The following TMEM87A variants were observed in gnomAD, a reference collection of about 807,000 sequenced individuals.
TMEM87A encodes Golgi-pH regulating cation channel.
A neutral mutation model predicts 90.0 loss-of-function variants in TMEM87A; 50 were observed. The ratio of observed to expected loss-of-function variants is 0.56; its 90% CI spans 0.44 to 0.70. The LOEUF (loss-of-function observed/expected upper bound fraction) is 0.70. Ranked by LOEUF, TMEM87A falls within the 30% of genes least tolerant of loss-of-function variation. The pLI is 0.00. For missense variants in TMEM87A, 577 were observed against 660.5 expected, an observed-to-expected ratio of 0.87 and a Z score of 1.39; for synonymous variants, 226 against 226.7, an observed-to-expected ratio of 1.00 and a Z score of 0.03.
At chr15:42,263,104 T>C (rs954552552) in intron 4 of TMEM87A, among the ~76,000 whole-genome samples, 2 of 152,220 alleles carry the variant, frequency 1.3e-5, no homozygotes, top group Non-Finnish European at 2.9e-5. Flanking sequence ...TCTGGGAACA[T>C]ATTAATTAGA....
chr15:42,227,880 C>T (rs2050624797), intron 13 of TMEM87A, 111 bp from the exon 14 acceptor site: 3 of 816,874 alleles, frequency 3.7e-6, no homozygotes, highest in East Asian at 2.6e-5. Flanking sequence ...CCCCCAAATA[C>T]ATCACAACTC....
chr15:42,229,479 G>A (rs1365366194), intron 12 of TMEM87A, among the ~76,000 whole-genome samples: 1 of 151,968 alleles, frequency 6.6e-6, no homozygotes, highest in Non-Finnish European at 1.5e-5. Flanking sequence ...GTGAACATGA[G>A]TAACAGGCAA....
intron 6 of TMEM87A, among the ~76,000 whole-genome samples, chr15:42,257,391 C>T (rs967611455): frequency 6.6e-6 from 1 of 152,084 alleles, no homozygotes; most frequent in East Asian, 1.9e-4. Flanking sequence ...CACACACAGG[C>T]TCCCCCCTTC....
chr15:42,268,183 A>G (rs1335976555), intron 2 of TMEM87A, 151 bp from the exon 3 acceptor site: 14 of 537,038 alleles, frequency 2.6e-5, no homozygotes, highest in Non-Finnish European at 3.9e-5. Flanking sequence ...GAAATAATAC[A>G]TGCAAAAAGA....
At chr15:42,239,594 A>C (rs1595726012) in intron 8 of TMEM87A, 76 bp downstream of exon 8, 2 of 1,206,070 alleles carry the variant, frequency 1.7e-6, no homozygotes, top group Non-Finnish European at 2.5e-6. Flanking sequence ...TAAAAAGAAT[A>C]CTGCCACAAA....
chr15:42,272,030 CA>C, intron 2 of TMEM87A, 32 bp downstream of exon 2: 1 of 1,540,532 alleles, frequency 6.5e-7, no homozygotes. Context: ...TTTTAAAATT[CA>C]AATTAAAACT....
chr15:42,238,894 TTA>T (rs2050822981), intron 8 of TMEM87A, among the ~76,000 whole-genome samples: 1 of 151,350 alleles, frequency 6.6e-6, no homozygotes, highest in Non-Finnish European at 1.5e-5. Context: ...GGGAAAACTA[TTA>T]AAGGGAAAGG....
At chr15:42,263,591 A>G (rs2051338867) in intron 4 of TMEM87A, among the ~76,000 whole-genome samples, 1 of 152,006 alleles carries the variant, frequency 6.6e-6, no homozygotes, top group Non-Finnish European at 1.5e-5. Flanking sequence ...CAGAAAATAC[A>G]AAAAAAATTA....
intron 8 of TMEM87A, 146 bp downstream of exon 8, chr15:42,239,524 A>G: frequency 4.3e-6 from 3 of 700,108 alleles, no homozygotes; most frequent in Non-Finnish European, 7.5e-6. Context: ...GTCCCAGTCT[A>G]ATAAGAAATA....
At chr15:42,226,061 A>AT (rs1261688887) in intron 15 of TMEM87A, among the ~76,000 whole-genome samples, 1 of 151,848 alleles carries the variant, frequency 6.6e-6, no homozygotes, top group Non-Finnish European at 1.5e-5. Flanking sequence ...GTGCAGTGGC[A>AT]TGATCTCGGC....
intron 6 of TMEM87A, among the ~76,000 whole-genome samples, chr15:42,248,655 CT>C (rs2051024553): frequency 6.6e-6 from 1 of 152,064 alleles, no homozygotes; most frequent in Admixed American, 6.6e-5. Context: ...GGTGGACATG[CT>C]TTTTGATGTG....
intron 19 of TMEM87A, among the ~76,000 whole-genome samples, chr15:42,216,673 A>G (rs1282921209): frequency 1.3e-5 from 2 of 152,218 alleles, no homozygotes; most frequent in Non-Finnish European, 2.9e-5. Context: ...TGTTATGTAG[A>G]TAGGTTCAAA....
At chr15:42,239,598 C>T in intron 8 of TMEM87A, 72 bp downstream of exon 8, 2 of 1,251,682 alleles carry the variant, frequency 1.6e-6, no homozygotes, top group African/African-American at 1.5e-5. Flanking sequence ...AAGAATACTG[C>T]CACAAAACAT....
intron 7 of TMEM87A, among the ~76,000 whole-genome samples, chr15:42,240,324 C>A (rs957832179): frequency 1.3e-5 from 2 of 152,172 alleles, no homozygotes; most frequent in South Asian, 4.1e-4. Context: ...AAAAAATATA[C>A]CATCCCTCAT....
intron 12 of TMEM87A, among the ~76,000 whole-genome samples, chr15:42,230,209 T>C (rs991721310): frequency 1.3e-5 from 2 of 152,182 alleles, no homozygotes; most frequent in South Asian, 4.1e-4. Context: ...TGTTACCTAG[T>C]CATTGGGTTA....
chr15:42,220,942 C>T lies in TMEM87A; in HGVS notation c.1404-807G>A, dbSNP rs566722340. Among the ~76,000 whole-genome samples, 6 of 152,262 alleles carry T rather than the reference C, an allele frequency of 3.9e-5. No individual in the cohort carries two copies. The South Asian group carries it at 1.2e-3, about 32-fold the overall frequency. On this transcript the variant is annotated intron_variant, in intron 15 of 19. Coordinates refer to ENST00000389834, the MANE Select transcript of TMEM87A (RefSeq NM_015497.5). Reference sequence around the variant, plus strand: ...GAATAGCTGGGAGTACAGGCGCCCGCCACGATGCCTGGCCAATTTTTTGCA... The same window carrying T: ...GAATAGCTGGGAGTACAGGCGCCCGTCACGATGCCTGGCCAATTTTTTGCA...
At chr15:42,255,506 C>T (rs777316127) in intron 6 of TMEM87A, among the ~76,000 whole-genome samples, 8 of 152,098 alleles carry the variant, frequency 5.3e-5, no homozygotes, top group Admixed American at 1.3e-4. Flanking sequence ...TCAAGTGATC[C>T]TCCCACCCTG....
rs761131256 is a variant in TMEM87A, at chr15:42,264,137, T to C, written c.358A>G (p.Thr120Ala). The C allele has an allele frequency of 6.2e-7, 1 of 1,613,866 alleles. No individual in the cohort carries two copies. The highest frequency in any genetic ancestry group is 1.7e-5 in the Admixed American group (1 of 60,026). Residue 120 changes from threonine (T) to alanine (A), a missense_variant, in exon 4 of 20, where the codon ACA becomes GCA. Physicochemically the swap from Thr to Ala is moderately conservative, Grantham distance 58 (BLOSUM62 0). Coordinates refer to ENST00000389834, the MANE Select transcript of TMEM87A (RefSeq NM_015497.5). ...CAGTTCTGGAACAATTTTGATGATG[T>C]TTGATATTTCCCAGACAAGCCTCTT... The part of the protein sequence containing the change: ...EKRGLSGKYQ[T>A]SSKLFQNCSE...
At chr15:42,216,859 A>G (rs2050391641) in intron 19 of TMEM87A, among the ~76,000 whole-genome samples, 1 of 152,222 alleles carries the variant, frequency 6.6e-6, no homozygotes, top group South Asian at 2.1e-4. Flanking sequence ...CCTGAAAAAA[A>G]ACAAAACAAA....
Sources: allele counts gnomAD v4.1 joint callset (sites outside exome capture counted in the v4.1 genomes callset), GRCh38; gene constraint gnomAD v4.1.1; transcripts MANE v1.5; gene names NCBI Gene and HGNC (gene_info 2026-07-23, HGNC 2026-07-21).